Variants in CSMD2 observed in about 807,000 individuals in gnomAD.
CSMD2 encodes CUB and Sushi multiple domains 2, also known as CUB and sushi domain-containing protein 2.
CSMD2 carries 130 observed loss-of-function variants against 398.5 expected under a neutral mutation model. The observed-to-expected ratio is 0.33, with a 90% confidence interval of 0.28 to 0.38. The LOEUF is 0.38. Among genes scored for constraint, CSMD2 ranks in the 10% least tolerant of loss-of-function variants. CSMD2 has a pLI of 1.00. For synonymous variants in CSMD2, 1,828 were observed against 1,908.5 expected, an observed-to-expected ratio of 0.96 and a Z score of 1.10; for missense variants, 3,829 against 4,764.9, an observed-to-expected ratio of 0.80 and a Z score of 5.78.
intron 3 of CSMD2, among the ~76,000 whole-genome samples, chr1:33,947,303 C>T (rs981842974): frequency 6.6e-6 from 1 of 152,186 alleles, no homozygotes; most frequent in Non-Finnish European, 1.5e-5. Context: ...GGCTCTGCTG[C>T]CCCTGCCCAA....
At chr1:33,773,257 T>A (rs1651525263) in intron 12 of CSMD2, among the ~76,000 whole-genome samples, 1 of 152,226 alleles carries the variant, frequency 6.6e-6, no homozygotes, top group South Asian at 2.1e-4. Flanking sequence ...ACACAGCAGT[T>A]GAGGCTTTGC....
intron 13 of CSMD2, among the ~76,000 whole-genome samples, chr1:33,760,220 T>C (rs1649644649): frequency 6.6e-6 from 1 of 152,158 alleles, no homozygotes; most frequent in Non-Finnish European, 1.5e-5. Flanking sequence ...CCATTCCAGG[T>C]GCTTACCCCG....
Position 33,559,725 on chromosome 1 carries a change from G to A in CSMD2, c.8381-252C>T, listed in dbSNP as rs536955504. The stretch of plus-strand genomic sequence containing the variant: ...GACTTCCCATAGGGTGTTAGGACTG[G>A]ACTGTGGTTCTCTGTGGTCTGAGCG... On this transcript the variant is annotated intron_variant, in intron 53 of 70. Coordinates refer to ENST00000373381, the MANE Select transcript of CSMD2 (RefSeq NM_001281956.2). This position sits in a 1 kb window ranked among gnomAD's most constrained non-coding sequence, Gnocchi z 4.0. Among the ~76,000 whole-genome samples, 1 of 152,226 alleles carries A rather than the reference G, an allele frequency of 6.6e-6. No homozygotes were observed. Among genetic ancestry groups the A allele is most frequent in the South Asian group, 2.1e-4 (1 of 4,794 alleles).
intron 49 of CSMD2, among the ~76,000 whole-genome samples, chr1:33,573,561 T>C (rs943813386): frequency 6.8e-6 from 1 of 147,016 alleles, no homozygotes; most frequent in African/African-American, 2.5e-5. Flanking sequence ...AAATGAAAAA[T>C]ATGATTGCCG....
chr1:33,916,080 G>A (rs2125277497), intron 5 of CSMD2, among the ~76,000 whole-genome samples: 1 of 152,246 alleles, frequency 6.6e-6, no homozygotes, highest in African/African-American at 2.4e-5. Context: ...GCACATATTG[G>A]TAGTAAAGGG....
At chr1:33,971,568 C>T (rs1267043243) in intron 3 of CSMD2, among the ~76,000 whole-genome samples, 6 of 152,234 alleles carry the variant, frequency 3.9e-5, no homozygotes, top group South Asian at 2.1e-4. Flanking sequence ...CAGCAGCTTC[C>T]GAGCAGCTCT....
At chr1:34,079,272 GA>G (rs1656780345) in intron 2 of CSMD2, among the ~76,000 whole-genome samples, 1 of 151,670 alleles carries the variant, frequency 6.6e-6, no homozygotes, top group African/African-American at 2.4e-5. Context: ...CACAATCAGG[GA>G]AAAAAAGAAA....
At chr1:33,733,357 G>A (rs1227221826) in intron 15 of CSMD2, among the ~76,000 whole-genome samples, 1 of 152,208 alleles carries the variant, frequency 6.6e-6, no homozygotes, top group Non-Finnish European at 1.5e-5. Flanking sequence ...TCACTTGGAG[G>A]TTAAAAGTGA....
chr1:33,892,419 A>G (rs1372223606), intron 5 of CSMD2, among the ~76,000 whole-genome samples: 1 of 152,112 alleles, frequency 6.6e-6, no homozygotes, highest in Non-Finnish European at 1.5e-5. Context: ...TCCACCCATC[A>G]CCTGAGCAGT....
intron 10 of CSMD2, among the ~76,000 whole-genome samples, chr1:33,809,063 C>A (rs981760761): frequency 6.6e-6 from 1 of 151,492 alleles, no homozygotes; most frequent in African/African-American, 2.4e-5. Context: ...AAAGGAGACA[C>A]CAGACCACGA....
chr1:34,092,894 G>C (rs1658802081), intron 1 of CSMD2, among the ~76,000 whole-genome samples: 1 of 152,038 alleles, frequency 6.6e-6, no homozygotes, highest in Non-Finnish European at 1.5e-5. Flanking sequence ...CTCGAACTGG[G>C]TGGAGCCCAC....
At chr1:34,093,111 A>G (rs1658838675) in intron 1 of CSMD2, among the ~76,000 whole-genome samples, 1 of 152,138 alleles carries the variant, frequency 6.6e-6, no homozygotes, top group Non-Finnish European at 1.5e-5. Flanking sequence ...CTGACCCCCG[A>G]GCAGCCTAAC....
intron 14 of CSMD2, among the ~76,000 whole-genome samples, chr1:33,740,977 G>T (rs561580310): frequency 6.6e-6 from 1 of 151,844 alleles, no homozygotes; most frequent in African/African-American, 2.4e-5. Context: ...ATGTGAAAGG[G>T]GTAGATCTTG....
chr1:33,850,019 A>G (rs940875551), intron 5 of CSMD2, among the ~76,000 whole-genome samples: 2 of 151,838 alleles, frequency 1.3e-5, no homozygotes, highest in African/African-American at 2.4e-5. Context: ...CCAGCCACAG[A>G]TATCTCCTCA....
intron 10 of CSMD2, among the ~76,000 whole-genome samples, chr1:33,804,020 C>T (rs1273154211): frequency 3.9e-5 from 6 of 152,246 alleles, no homozygotes; most frequent in Admixed American, 1.3e-4. Flanking sequence ...CACTTACTGG[C>T]TCTGTGCTTC....
chr1:33,904,447 G>C (rs1277842248), intron 5 of CSMD2, among the ~76,000 whole-genome samples: 4 of 152,182 alleles, frequency 2.6e-5, no homozygotes, highest in Non-Finnish European at 5.9e-5. Context: ...GCCTTAAAAA[G>C]AAATGACGGC....
At chr1:33,583,557 G>C in intron 47 of CSMD2, 85 bp downstream of exon 47, 2 of 1,374,406 alleles carry the variant, frequency 1.5e-6, no homozygotes, top group Non-Finnish European at 2.0e-6. Context: ...GCCCTGATAG[G>C]AAAACTGCAG....
chr1:33,727,899 TTC>T (rs1646591719), intron 15 of CSMD2, among the ~76,000 whole-genome samples: 1 of 152,158 alleles, frequency 6.6e-6, no homozygotes, highest in Non-Finnish European at 1.5e-5. Context: ...CTATTACTGC[TTC>T]TGTCACTGCC....
Position 33,715,917 on chromosome 1 carries a change from T to TTC in CSMD2, c.3217+368_3217+369insGA, listed in dbSNP as rs796657642. ...ATGTTAATTTCAAACCTTTTTTTTTTTTCATATTGCTGGGGTTGGCAATGT... is the reference window on the plus strand; with the variant it reads ...ATGTTAATTTCAAACCTTTTTTTTTTTCTTCATATTGCTGGGGTTGGCAATGT... On this transcript the variant is annotated intron_variant, in intron 20 of 70. Coordinates refer to ENST00000373381, the MANE Select transcript of CSMD2 (RefSeq NM_001281956.2). Among the ~76,000 whole-genome samples the TTC allele has an allele frequency of 1.4e-3, 211 of 152,288 alleles. 1 individual carries two copies. Among genetic ancestry groups the TTC allele is most frequent in the African/African-American group, 4.9e-3 (202 of 41,558 alleles).
Sources: allele counts gnomAD v4.1 joint callset (sites outside exome capture counted in the v4.1 genomes callset), GRCh38; gene constraint gnomAD v4.1.1; non-coding constraint Gnocchi (gnomAD v3.1); transcripts MANE v1.5; gene names NCBI Gene and HGNC (gene_info 2026-07-23, HGNC 2026-07-21).